SPTBN5: variants seen among roughly 807,000 people sequenced by gnomAD.
SPTBN5 encodes spectrin beta, non-erythrocytic 5.
In SPTBN5, 513 loss-of-function variants were observed where a neutral mutation model predicts 477.6. That is an observed-to-expected ratio of 1.07 (90% CI 1.00 to 1.16). SPTBN5 has a LOEUF of 1.16. Among genes scored for constraint, SPTBN5 ranks in the 50% most tolerant of loss-of-function variants. The probability of loss-of-function intolerance (pLI) is 0.00; values close to 1 mark genes in which losing one functional copy is unlikely to be tolerated. For synonymous variants in SPTBN5, 2,169 were observed against 2,011.7 expected (o/e 1.08, Z -2.09); for missense variants, 5,062 against 4,731.8 (o/e 1.07, Z -2.05).
At position 41,851,355 on chromosome 15, in the gene SPTBN5, G is replaced by C; in HGVS notation, c.10671C>G (p.Ser3557=). The C allele has an allele frequency of 6.4e-7, 1 of 1,550,964 alleles. No individual in the cohort carries two copies. Among genetic ancestry groups the C allele is most frequent in the Non-Finnish European group, 8.7e-7 (1 of 1,146,982 alleles). The change falls in exon 64 of 68, where the codon TCC becomes TCG. Residue 3557 remains serine (S), a synonymous_variant. Transcript: ENST00000320955. ...LPGGRQPSSS[S]WDSCRGNLQG... is the part of the protein sequence containing the mutation. ...GCAAGTTCCCGCGGCAGCTGTCCCA[G>C]GAGCTCGAGCTAGGCTGTGGAGAGG...
chr15:41,872,017 A>C, intron 27 of SPTBN5, 100 bp from the exon 28 acceptor site: 2 of 1,395,742 alleles, frequency 1.4e-6, no homozygotes, highest in Non-Finnish European at 1.9e-6. Flanking sequence ...GGGGTTACTC[A>C]TGGTCTCTGT....
intron 25 of SPTBN5, 43 bp from the exon 26 acceptor site, chr15:41,873,651 G>A (rs1382690317): frequency 6.6e-7 from 1 of 1,517,698 alleles, no homozygotes; most frequent in African/African-American, 1.4e-5. Flanking sequence ...TCTCAGACAG[G>A]ACCCTCCGTC....
Position 41,848,520 on chromosome 15 carries a change from G to GA in SPTBN5, c.*95dup. The stretch of plus-strand genomic sequence containing the variant: ...GGGAACTGGGTTGAAGCAGCCACGG[G>GA]AAGGAGCCCTTTTGCCTGTAGCTGA... On this transcript the variant is annotated 3_prime_UTR_variant, in exon 68 of 68. Coordinates refer to ENST00000320955, the MANE Select transcript of SPTBN5 (RefSeq NM_016642.4). The GA allele has an allele frequency of 6.8e-7, 1 of 1,467,526 alleles. No homozygotes were observed. Among genetic ancestry groups the GA allele is most frequent in the South Asian group, 1.1e-5 (1 of 88,208 alleles). The allele number at this position is 1,467,526 out of a possible 1,614,324, so 90.9% of individuals were successfully genotyped here. A position where few individuals can be genotyped will look rare whatever the true frequency, so the allele number is the denominator to read the frequency against.
Position 41,871,913 on chromosome 15 carries a change from G to A in SPTBN5, c.5170C>T (p.Arg1724Trp), listed in dbSNP as rs762395376. Reference sequence around the variant, plus strand: ...AGCCTCAGGGTCCCCTCCAGTTCCCGGTCCCTGTGGTAACAGTCCGTGGTT... The same window carrying A: ...AGCCTCAGGGTCCCCTCCAGTTCCCAGTCCCTGTGGTAACAGTCCGTGGTT... ...ALQELAATRD[R>W]ELEGTLRLHE... is the part of the protein sequence containing the mutation. The change falls in exon 28 of 68, where the codon CGG (arginine) becomes TGG (tryptophan). Residue 1724 changes from arginine (R) to tryptophan (W), a missense_variant. By Grantham distance (101) the Arg-to-Trp change is moderately radical. Coordinates refer to ENST00000320955, the MANE Select transcript of SPTBN5 (RefSeq NM_016642.4). 9.5e-6 allele frequency: 15 copies of A among 1,572,894 alleles called. No individual in the cohort carries two copies. The highest frequency in any genetic ancestry group is 1.4e-5 in the African/African-American group (1 of 73,852).
intron 51 of SPTBN5, 53 bp downstream of exon 51, chr15:41,857,185 G>A: frequency 1.9e-6 from 3 of 1,546,542 alleles, no homozygotes; most frequent in East Asian, 2.3e-5. Context: ...GGCAGGGGTG[G>A]GGGTCCCTCC....
chr15:41,882,010 G>A lies in SPTBN5; in HGVS notation c.2383C>T (p.Arg795Cys), dbSNP rs1337017785. The change falls in exon 12 of 68, where the codon CGC becomes TGC. Residue 795 changes from arginine to cysteine, a missense_variant. Physicochemically the swap from Arg to Cys is radical, Grantham distance 180. Transcript: ENST00000320955. ...CGCCGCAGCTCGGCCGCGAAGGCGC[G>A]CAGGACGCGCTCCAGCCGCACGTGG... ...RRHVRLERVL[R>C]AFAAELRRLE... The A allele has an allele frequency of 1.4e-5, 22 of 1,537,000 alleles. No homozygotes were observed. The highest frequency in any genetic ancestry group is 5.6e-5 in the African/African-American group (4 of 71,152).
chr15:41,887,524 C>G, intron 5 of SPTBN5, 83 bp from the exon 6 acceptor site: 3 of 1,091,058 alleles, frequency 2.7e-6, no homozygotes. Context: ...ACTCATGCTC[C>G]TATTGGCCAT....
chr15:41,879,931 T>A, intron 14 of SPTBN5, 67 bp from the exon 15 acceptor site: 1 of 1,590,104 alleles, frequency 6.3e-7, no homozygotes, highest in East Asian at 2.3e-5. Flanking sequence ...CTCTAGCCTA[T>A]GACGGACCTG....
rs573942893 is a variant in SPTBN5 at position 41,850,917 on chromosome 15, G to A, written c.10858C>T (p.Leu3620=). 3.1e-6 allele frequency: 5 copies of A among 1,601,554 alleles called. No individual in the cohort carries two copies. Among genetic ancestry groups the A allele is most frequent in the Non-Finnish European group, 4.3e-6 (5 of 1,175,780 alleles). Reference sequence around the variant, plus strand: ...TGCTCTTCGGACGGTGCTGCAAACAGGATCTCTGCCCCACTGGTCAGCCTG... The same window carrying A: ...TGCTCTTCGGACGGTGCTGCAAACAAGATCTCTGCCCCACTGGTCAGCCTG... ...SLRLTSGAEI[L]FAAPSEEQAE... The change falls in exon 66 of 68, where the codon CTG becomes TTG. Residue 3620 remains leucine (L), a synonymous_variant. Coordinates refer to ENST00000320955, the MANE Select transcript of SPTBN5 (RefSeq NM_016642.4).
chr15:41,867,121 T>G lies in SPTBN5; in HGVS notation c.6318A>C (p.Ala2106=). The G allele has an allele frequency of 6.5e-7, 1 of 1,531,966 alleles. No individual in the cohort carries two copies. Among genetic ancestry groups the G allele is most frequent in the Non-Finnish European group, 8.8e-7 (1 of 1,142,710 alleles). 94.9% of individuals were successfully genotyped at this position (1,531,966 alleles called of 1,614,324 possible). ...KVLTAQDKKE[A]ALRERLKTLR... ...GCGTCTTCAGCCGCTCACGCAGGGC[T>G]GCCTCCTGTGGGGCAGGGGCACAGC... The change falls in exon 36 of 68, where the codon GCA becomes GCC. Residue 2106 remains alanine (A), a synonymous_variant. Coordinates refer to ENST00000320955, the MANE Select transcript of SPTBN5 (RefSeq NM_016642.4).
At position 41,873,834 on chromosome 15, in the gene SPTBN5, C is replaced by T. The variant is rs2066623491; in HGVS notation, c.4890+11G>A. On this transcript the variant is annotated intron_variant, in intron 25 of 67. Coordinates refer to ENST00000320955, the MANE Select transcript of SPTBN5 (RefSeq NM_016642.4). ...TGCCTCTTCCCCCAACCCCACCTCT[C>T]TGCATCCTACCTGCTGGAAAGTGAC... is the stretch of plus-strand genomic sequence containing the variant. 1 of 1,609,008 alleles carries T rather than the reference C, an allele frequency of 6.2e-7. No individual in the cohort carries two copies. Among genetic ancestry groups the T allele is most frequent in the African/African-American group, 1.3e-5 (1 of 74,950 alleles).
chr15:41,877,068 C>T (rs771573771), intron 18 of SPTBN5, 48 bp downstream of exon 18: 21 of 1,609,124 alleles, frequency 1.3e-5, no homozygotes, highest in Non-Finnish European at 1.8e-5. Context: ...GATGAGCTCC[C>T]TCCAGTGATG....
At chr15:41,852,587 G>A (rs1405560873) in intron 61 of SPTBN5, 47 bp downstream of exon 61, 6 of 1,573,678 alleles carry the variant, frequency 3.8e-6, no homozygotes, top group Middle Eastern at 1.7e-4. Flanking sequence ...GGCTGAGAGG[G>A]ACTGTTCCCC....
chr15:41,880,421 G>A, intron 13 of SPTBN5, 109 bp from the exon 14 acceptor site: 2 of 1,243,010 alleles, frequency 1.6e-6, no homozygotes, highest in South Asian at 1.6e-5. Flanking sequence ...GCAGAGCCCA[G>A]GGTCAGGGCC....
At position 41,879,290 on chromosome 15, in the gene SPTBN5, C is replaced by T. The variant is rs977241466; in HGVS notation, c.3152G>A (p.Arg1051Lys). 9 of 1,611,874 alleles carry T rather than the reference C, an allele frequency of 5.6e-6. No individual in the cohort carries two copies. The highest frequency in any genetic ancestry group is 6.8e-6 in the Non-Finnish European group (8 of 1,179,858). ...GACCACACTTTGGAGGAAGTGGACC[C>T]TCCTCTCCAGCACCAGGGTCTTCTT... ...AQKKTLVLER[R>K]VHFLQSVVVK... The change falls in exon 16 of 68, where the codon AGG becomes AAG. Residue 1051 changes from arginine to lysine, a missense_variant. Physicochemically the swap from Arg to Lys is conservative, Grantham distance 26. Coordinates refer to ENST00000320955, the MANE Select transcript of SPTBN5 (RefSeq NM_016642.4).
intron 26 of SPTBN5, among the ~76,000 whole-genome samples, chr15:41,872,796 G>A (rs2066591954): frequency 6.6e-6 from 1 of 152,242 alleles, no homozygotes; most frequent in Non-Finnish European, 1.5e-5. Context: ...GAGAGAGGCA[G>A]AGTTAAACAA....
chr15:41,880,260 G>A lies in SPTBN5; in HGVS notation c.2711C>T (p.Ser904Phe), dbSNP rs369056575. 1 of 1,607,884 alleles carries A rather than the reference G, an allele frequency of 6.2e-7. No individual in the cohort carries two copies. The highest frequency in any genetic ancestry group is 8.5e-7 in the Non-Finnish European group (1 of 1,177,722). ...EAMALFGFCSSCGELQLWLEK... is the reference protein window; with the variant it reads ...EAMALFGFCSFCGELQLWLEK... Reference sequence around the variant, plus strand: ...CAGCCACAACTGGAGCTCCCCACAGGAACTGCAGAAACCGAACAGGGCCAT... The same window carrying A: ...CAGCCACAACTGGAGCTCCCCACAGAAACTGCAGAAACCGAACAGGGCCAT... The change falls in exon 14 of 68, where the codon TCC (serine) becomes TTC (phenylalanine). Residue 904 changes from serine (S) to phenylalanine (F), a missense_variant. Transcript: ENST00000320955.
rs970451986 is a variant in SPTBN5, at chr15:41,854,073, G to T, written c.9751C>A (p.Gln3251Lys). 2 of 1,574,270 alleles carry T rather than the reference G, an allele frequency of 1.3e-6. No individual in the cohort carries two copies. The highest frequency in any genetic ancestry group is 1.7e-6 in the Non-Finnish European group (2 of 1,162,482). ...GHSLSSVRTL[Q>K]QQHRRLEREL... is the part of the protein sequence containing the mutation. ...ACCTCCAGGCGCCTGTGCTGTTGCT[G>T]CAGGGTCCGCACAGATGACAGGCTG... The change falls in exon 57 of 68, where the codon CAG (glutamine) becomes AAG (lysine). Residue 3251 changes from glutamine to lysine, a missense_variant. Physicochemically the swap from Gln to Lys is moderately conservative, Grantham distance 53 (BLOSUM62 1). Transcript: ENST00000320955.
At position 41,882,480 on chromosome 15, in the gene SPTBN5, G is replaced by A. The variant is rs1178284179; in HGVS notation, c.2047-11C>T. 1.9e-6 allele frequency: 3 copies of A among 1,557,620 alleles called. No homozygotes were observed. Among genetic ancestry groups the A allele is most frequent in the Admixed American group, 1.9e-5 (1 of 53,232 alleles). ...CTCAGCTTCCAGGGCCTAGCGGGGGGCAGAGCAGGGGGCTCAGTGAAGGCA... is the reference window on the plus strand; with the variant it reads ...CTCAGCTTCCAGGGCCTAGCGGGGGACAGAGCAGGGGGCTCAGTGAAGGCA... On this transcript the variant is annotated splice_polypyrimidine_tract_variant and intron_variant, in intron 10 of 67. Transcript: ENST00000320955.
Sources: allele counts gnomAD v4.1 joint callset (sites outside exome capture counted in the v4.1 genomes callset), GRCh38; gene constraint gnomAD v4.1.1; transcripts MANE v1.5; gene names NCBI Gene and HGNC (gene_info 2026-07-23, HGNC 2026-07-21).